The following GPSM2 variants were observed in gnomAD, a reference collection of about 807,000 sequenced individuals.
The protein encoded by GPSM2 is G protein-signaling modulator 2.
In GPSM2, 58 loss-of-function variants were observed where a neutral mutation model predicts 78.4. That is an observed-to-expected ratio of 0.74 (90% CI 0.60 to 0.92). The LOEUF (loss-of-function observed/expected upper bound fraction) is 0.92, where lower values mean the gene tolerates loss of function less well. Ranked by LOEUF, GPSM2 falls within the 40% of genes least tolerant of loss-of-function variation. The probability of loss-of-function intolerance (pLI) is 0.00; values close to 1 mark genes in which losing one functional copy is unlikely to be tolerated. For synonymous variants in GPSM2, 224 were observed against 280.2 expected, an observed-to-expected ratio of 0.80 and a Z score of 2.00; for missense variants, 700 against 815.5, an observed-to-expected ratio of 0.86 and a Z score of 1.73.
chr1:108,908,096 G>A (rs1279047393), intron 10 of GPSM2, among the ~76,000 whole-genome samples: 18 of 152,352 alleles, frequency 1.2e-4, no homozygotes, highest in Non-Finnish European at 1.0e-4. Context: ...CAGGGGCCGG[G>A]CGCCATGGCT....
intron 11 of GPSM2, among the ~76,000 whole-genome samples, 179 bp from the exon 12 acceptor site, chr1:108,918,434 T>TC (rs1370160182): frequency 6.6e-6 from 1 of 152,224 alleles, no homozygotes; most frequent in Non-Finnish European, 1.5e-5. Flanking sequence ...ATGCATTTGG[T>TC]ACAAGTCTTG....
chr1:108,885,639 C>G, intron 2 of GPSM2, 61 bp downstream of exon 2: 1 of 955,284 alleles, frequency 1.0e-6, no homozygotes, highest in Non-Finnish European at 1.7e-6. Flanking sequence ...GTTTTTAACT[C>G]TGATGACCAT....
At chr1:108,915,351 C>T (rs1223851854) in intron 11 of GPSM2, among the ~76,000 whole-genome samples, 1 of 118,078 alleles carries the variant, frequency 8.5e-6, no homozygotes, top group Non-Finnish European at 1.7e-5. Flanking sequence ...AGCCTGGCAA[C>T]AGAGCGAGAC....
rs1190026943 is a variant in GPSM2 at position 108,904,193 on chromosome 1, G to A, written c.1131G>A (p.Leu377=). Residue 377 remains leucine, a synonymous_variant, in exon 10 of 15, where the codon CTG becomes CTA. Transcript: ENST00000264126. The stretch of plus-strand genomic sequence containing the variant: ...CAGACCTTCAAATGGTTCTTGGTCT[G>A]AGCTACAGCACAAATAACTCCATAA... The part of the protein sequence containing the change: ...NLSDLQMVLG[L]SYSTNNSIMS... The A allele has an allele frequency of 1.3e-6, 2 of 1,597,508 alleles. No homozygotes were observed. Among genetic ancestry groups the A allele is most frequent in the Non-Finnish European group, 1.7e-6 (2 of 1,165,650 alleles).
chr1:108,909,030 T>A (rs1649495751), intron 10 of GPSM2, among the ~76,000 whole-genome samples: 1 of 151,914 alleles, frequency 6.6e-6, no homozygotes, highest in African/African-American at 2.4e-5. Context: ...TCCCAGCTAC[T>A]CGGGAAGCTG....
intron 7 of GPSM2, among the ~76,000 whole-genome samples, chr1:108,899,783 A>G (rs552411266): frequency 6.6e-6 from 1 of 152,376 alleles, no homozygotes; most frequent in African/African-American, 2.4e-5. Flanking sequence ...AAAGAAGCCA[A>G]TATGAGACAG....
chr1:108,901,077 C>T (rs907735613), intron 7 of GPSM2, among the ~76,000 whole-genome samples: 2 of 152,170 alleles, frequency 1.3e-5, no homozygotes, highest in Non-Finnish European at 2.9e-5. Flanking sequence ...ATTTAATCCT[C>T]ACAAAAATCC....
intron 11 of GPSM2, among the ~76,000 whole-genome samples, chr1:108,917,609 C>CATATAT (rs761319516): frequency 4.4e-5 from 4 of 90,268 alleles, no homozygotes; most frequent in Non-Finnish European, 1.0e-4. Flanking sequence ...CACACACACA[C>CATATAT]ACATATATAT....
At chr1:108,877,600 C>G (rs1270890644) in intron 1 of GPSM2, 1 of 151,918 alleles carries the variant, frequency 6.6e-6, no homozygotes, top group East Asian at 1.9e-4. Context: ...TGAATCAAAG[C>G]CCGAATCCCC....
intron 3 of GPSM2, 23 bp from the exon 4 acceptor site, chr1:108,897,469 T>C (rs766206179): frequency 6.3e-6 from 10 of 1,585,904 alleles, no homozygotes; most frequent in Non-Finnish European, 8.6e-6. Flanking sequence ...GGTTTTTTGT[T>C]TTTTGTTTTT....
intron 1 of GPSM2, among the ~76,000 whole-genome samples, chr1:108,881,837 C>A (rs554447259): frequency 6.6e-6 from 1 of 152,132 alleles, no homozygotes; most frequent in Admixed American, 6.5e-5. Context: ...TTTACTTATT[C>A]GTTAATTTGT....
At chr1:108,906,343 G>A (rs765092855) in intron 10 of GPSM2, among the ~76,000 whole-genome samples, 35 of 151,982 alleles carry the variant, frequency 2.3e-4, no homozygotes, top group Non-Finnish European at 4.1e-4. Flanking sequence ...TTCTCAAGTA[G>A]CTGGCCTTGT....
chr1:108,930,020 T>C lies in GPSM2; in HGVS notation c.*80T>C. 7.9e-7 allele frequency: 1 copy of C among 1,262,114 alleles called. No homozygotes were observed. The highest frequency in any genetic ancestry group is 2.6e-4 in the Middle Eastern group (1 of 3,824). 78.2% of individuals were successfully genotyped at this position (1,262,114 alleles called of 1,614,324 possible). A position where few individuals can be genotyped will look rare whatever the true frequency, so the allele number is the denominator to read the frequency against. On this transcript the variant is annotated 3_prime_UTR_variant, in exon 15 of 15. Coordinates refer to ENST00000264126, the MANE Select transcript of GPSM2 (RefSeq NM_013296.5). ...CTTTTTTCCTTAAAAGGAGAATTTA[T>C]AGCACTGTAATACAGCTTAAAATAT...
chr1:108,893,673 T>C (rs1001722843), intron 2 of GPSM2, among the ~76,000 whole-genome samples: 1 of 152,238 alleles, frequency 6.6e-6, no homozygotes, highest in African/African-American at 2.4e-5. Context: ...TTTTAAATAA[T>C]ATTTCTTAGA....
At chr1:108,924,427 G>A in intron 14 of GPSM2, 1 of 618,796 alleles carries the variant, frequency 1.6e-6, no homozygotes, top group Non-Finnish European at 2.9e-6. Context: ...TTACATTTTA[G>A]GAGAGACGTG....
intron 10 of GPSM2, among the ~76,000 whole-genome samples, chr1:108,908,988 A>G (rs72699219): frequency 0.035 from 5,271 of 152,066 alleles, 105 homozygotes; most frequent in Middle Eastern, 0.075. Flanking sequence ...AAATTTTTTT[A>G]ATTAGCCATG....
chr1:108,928,970 CAG>C (rs1350471515), intron 14 of GPSM2, among the ~76,000 whole-genome samples: 6 of 140,496 alleles, frequency 4.3e-5, no homozygotes, highest in African/African-American at 1.6e-4. Flanking sequence ...GCCTGGATGA[CAG>C]AGCGAGAATC....
rs756591772 is a variant in GPSM2 at position 108,904,188 on chromosome 1, G to C, written c.1126G>C (p.Gly376Arg). 13 of 1,596,260 alleles carry C rather than the reference G, an allele frequency of 8.1e-6. No homozygotes were observed. The highest frequency in any genetic ancestry group is 9.4e-6 in the Non-Finnish European group (11 of 1,164,468). ...LNLSDLQMVL[G>R]LSYSTNNSIM... ...TCTCTCAGACCTTCAAATGGTTCTTGGTCTGAGCTACAGCACAAATAACTC... is the reference window on the plus strand; with the variant it reads ...TCTCTCAGACCTTCAAATGGTTCTTCGTCTGAGCTACAGCACAAATAACTC... Residue 376 changes from glycine (G) to arginine (R), a missense_variant, in exon 10 of 15, where the codon GGT (glycine) becomes CGT (arginine). Coordinates refer to ENST00000264126, the MANE Select transcript of GPSM2 (RefSeq NM_013296.5).
In GPSM2 at chr1:108,930,690, A is replaced by C. The variant is rs1651798956; in HGVS notation, c.*750A>C. 1 of 152,028 alleles carries C rather than the reference A, an allele frequency of 6.6e-6. No homozygotes were observed. Among genetic ancestry groups the C allele is most frequent in the Non-Finnish European group, 1.5e-5 (1 of 68,228 alleles). The allele number at this position is 152,028 out of a possible 1,614,324, so 9.4% of individuals were successfully genotyped here. On this transcript the variant is annotated 3_prime_UTR_variant, in exon 15 of 15. Transcript: ENST00000264126. ...GATCACTTGAGGTCGGGAGTTTGAG[A>C]CCAGCCTGGCCAACATAGTGAAACC... is the stretch of plus-strand genomic sequence containing the variant.
Sources: allele counts gnomAD v4.1 joint callset (sites outside exome capture counted in the v4.1 genomes callset), GRCh38; gene constraint gnomAD v4.1.1; transcripts MANE v1.5; gene names NCBI Gene and HGNC (gene_info 2026-07-23, HGNC 2026-07-21).